ELAVL2: variants seen among roughly 807,000 people sequenced by gnomAD.
ELAVL2 encodes ELAV like RNA binding protein 2.
Under a neutral mutation model 34.6 loss-of-function variants are expected in ELAVL2, and 4 were observed. The ratio of observed to expected loss-of-function variants is 0.12; its 90% CI spans 0.06 to 0.26. The LOEUF is 0.26. Ranked by LOEUF, ELAVL2 falls within the 10% of genes least tolerant of loss-of-function variation. The pLI is 1.00. For missense variants in ELAVL2, 432 were observed against 442.8 expected, an observed-to-expected ratio of 0.98 and a Z score of 0.22; for synonymous variants, 193 against 154.8, an observed-to-expected ratio of 1.25 and a Z score of -1.83.
At chr9:23,764,168 A>G (rs918340038) in intron 1 of ELAVL2, among the ~76,000 whole-genome samples, 3 of 152,168 alleles carry the variant, frequency 2.0e-5, no homozygotes, top group African/African-American at 4.8e-5. Flanking sequence ...CTACAAGATT[A>G]AAGTGGCCAA....
At chr9:23,840,383 G>A in the ELAVL2 span, among the ~76,000 whole-genome samples, 1 of 152,068 alleles carries the variant, frequency 6.6e-6, no homozygotes, top group South Asian at 2.1e-4. Context: ...ATTCTGAGGT[G>A]TAATCTAAGC....
At chr9:23,751,378 T>A (rs111253255) in intron 2 of ELAVL2, among the ~76,000 whole-genome samples, 1 of 152,138 alleles carries the variant, frequency 6.6e-6, no homozygotes, top group African/African-American at 2.4e-5. Context: ...CCCTCCCCCA[T>A]ACACACAAAC....
chr9:23,832,242 TC>T, the ELAVL2 span: 1 of 152,070 alleles, frequency 6.6e-6, no homozygotes, highest in Non-Finnish European at 1.5e-5. Context: ...GAAGTTGTCA[TC>T]CACAGGAAAG....
intron 1 of ELAVL2, among the ~76,000 whole-genome samples, chr9:23,814,036 G>A (rs1256858463): frequency 6.6e-6 from 1 of 152,076 alleles, no homozygotes; most frequent in Non-Finnish European, 1.5e-5. Flanking sequence ...ATCCTTCCAA[G>A]TTTTCAAGAA....
chr9:23,701,650 A>G, intron 4 of ELAVL2, 46 bp from the exon 5 acceptor site: 1 of 1,587,370 alleles, frequency 6.3e-7, no homozygotes. Flanking sequence ...GAACAGAAGG[A>G]GAAGGGAAGG....
chr9:23,790,433 T>C (rs1293855123), intron 1 of ELAVL2, among the ~76,000 whole-genome samples: 7 of 152,176 alleles, frequency 4.6e-5, no homozygotes, highest in Admixed American at 2.0e-4. Context: ...GATTTTCTAC[T>C]TAGGATTAGT....
chr9:23,759,568 G>T (rs1206839413), intron 2 of ELAVL2, among the ~76,000 whole-genome samples: 1 of 151,326 alleles, frequency 6.6e-6, no homozygotes, highest in Non-Finnish European at 1.5e-5. Flanking sequence ...CACTCTCAAA[G>T]AAATTATGAA....
intron 5 of ELAVL2, among the ~76,000 whole-genome samples, chr9:23,699,116 A>G (rs1219214513): frequency 2.0e-5 from 3 of 152,210 alleles, no homozygotes; most frequent in Non-Finnish European, 2.9e-5. Flanking sequence ...ATATGGTACT[A>G]AAAGATAAAA....
chr9:23,774,088 G>C (rs1043679576), intron 1 of ELAVL2, among the ~76,000 whole-genome samples: 2 of 151,718 alleles, frequency 1.3e-5, no homozygotes, highest in Non-Finnish European at 2.9e-5. Context: ...GCGGGCGCCT[G>C]TAGTCCCAGC....
Position 23,723,025 on chromosome 9 carries a change from G to T in ELAVL2, c.333+7997C>A, listed in dbSNP as rs1315227319. ...CCCCACATTCCCCTTAAAAAGCAGTGGGAAAGTAAAGCAACAAGGGCTAGC... is the reference window on the plus strand; with the variant it reads ...CCCCACATTCCCCTTAAAAAGCAGTTGGAAAGTAAAGCAACAAGGGCTAGC... On this transcript the variant is annotated intron_variant, in intron 3 of 6. Transcript: ENST00000397312. 5.3e-5 allele frequency among the ~76,000 whole-genome samples: 8 copies of T among 152,098 alleles called. No individual in the cohort carries two copies. In the East Asian group the frequency reaches 1.4e-3, roughly 26 times the overall value.
intron 1 of ELAVL2, among the ~76,000 whole-genome samples, chr9:23,819,966 G>A (rs1382700675): frequency 6.6e-6 from 1 of 152,072 alleles, no homozygotes; most frequent in South Asian, 2.1e-4. Flanking sequence ...TATAAAGAAG[G>A]CCCCTACCAC....
At chr9:23,826,273 G>A (rs1003739431), upstream of ELAVL2, 3 of 152,372 alleles carry the variant, frequency 2.0e-5, no homozygotes, top group Non-Finnish European at 4.4e-5. Context: ...CAGATTTATA[G>A]CACCGTATCA....
rs182032069 is a variant in ELAVL2, at chr9:23,803,040, G to A, written c.-16+22766C>T. 2.4e-3 allele frequency among the ~76,000 whole-genome samples: 367 copies of A among 152,196 alleles called. 3 individuals are homozygous for A. The highest frequency in any genetic ancestry group is 8.5e-3 in the African/African-American group (352 of 41,522). ...TGATCAAGAACTTTGAGAATTACTG[G>A]TCTAATTCACTGCTACATAAGCATG... is the stretch of plus-strand genomic sequence containing the variant. On this transcript the variant is annotated intron_variant, in intron 1 of 6. Transcript: ENST00000397312.
intron 1 of ELAVL2, among the ~76,000 whole-genome samples, chr9:23,762,970 G>A (rs1036473960): frequency 6.6e-6 from 1 of 151,986 alleles, no homozygotes. Flanking sequence ...GTCAACCTTG[G>A]CAGCTAAAAA....
At chr9:23,696,147 C>T (rs2035109745) in intron 5 of ELAVL2, among the ~76,000 whole-genome samples, 1 of 152,138 alleles carries the variant, frequency 6.6e-6, no homozygotes, top group South Asian at 2.1e-4. Context: ...TCTCCTCCAT[C>T]ACCAACGAGT....
At chr9:23,721,902 G>A (rs2043825547) in intron 3 of ELAVL2, among the ~76,000 whole-genome samples, 1 of 152,256 alleles carries the variant, frequency 6.6e-6, no homozygotes, top group African/African-American at 2.4e-5. Context: ...TTATCAGTAA[G>A]GCTTCTAGTC....
At chr9:23,786,781 C>CAAAAAAAAA (rs57292061) in intron 1 of ELAVL2, among the ~76,000 whole-genome samples, 1 of 108,144 alleles carries the variant, frequency 9.2e-6, no homozygotes, top group Admixed American at 9.4e-5. Context: ...ATTTTAGTGG[C>CAAAAAAAAA]AAAAAAAAAA....
intron 1 of ELAVL2, among the ~76,000 whole-genome samples, chr9:23,787,289 C>T (rs982921197): frequency 5.0e-4 from 75 of 149,054 alleles, no homozygotes; most frequent in African/African-American, 1.8e-3. Context: ...GACGGAGTTT[C>T]GCTCTTGTCT....
intron 3 of ELAVL2, among the ~76,000 whole-genome samples, chr9:23,716,165 TC>T (rs2042253793): frequency 3.7e-5 from 2 of 53,462 alleles, no homozygotes; most frequent in African/African-American, 1.9e-4. Context: ...GGGCCTGTTG[TC>T]GGGTTGGGGG....
Sources: gnomAD v4.1 joint callset for allele counts (sites outside exome capture counted in the v4.1 genomes callset) on GRCh38, gnomAD v4.1.1 for gene constraint, MANE v1.5 for transcripts, NCBI Gene and HGNC (gene_info 2026-07-23, HGNC 2026-07-21) for gene names.